The following XPR1 variants were observed in gnomAD, a reference collection of about 807,000 sequenced individuals.
XPR1 encodes xenotropic and polytropic retrovirus receptor 1, also known as solute carrier family 53 member 1.
XPR1 carries 28 observed loss-of-function variants against 87.5 expected under a neutral mutation model. The ratio of observed to expected loss-of-function variants is 0.32; its 90% CI spans 0.24 to 0.44. The LOEUF (loss-of-function observed/expected upper bound fraction) is 0.44, where lower values mean the gene tolerates loss of function less well. XPR1 is among the 20% of genes least tolerant of loss of function. XPR1 has a pLI of 1.00. For synonymous variants in XPR1, 300 were observed against 306.1 expected (o/e 0.98, Z 0.21); for missense variants, 559 against 862.3 (o/e 0.65, Z 4.41).
chr1:180,798,988 A>C (rs1649686413), intron 3 of XPR1, among the ~76,000 whole-genome samples: 1 of 152,194 alleles, frequency 6.6e-6, no homozygotes, highest in South Asian at 2.1e-4. Flanking sequence ...CCTGGGTTCC[A>C]GAGCTTGTTG....
At chr1:180,861,817 G>A (rs1274243623) in intron 11 of XPR1, among the ~76,000 whole-genome samples, 1 of 152,006 alleles carries the variant, frequency 6.6e-6, no homozygotes, top group African/African-American at 2.4e-5. Context: ...AGTGTTTGCT[G>A]ATTTCCACGG....
rs934402990 is a variant in XPR1, at chr1:180,766,983, A to C, written c.122-20770A>C. Among the ~76,000 whole-genome samples, 5 of 152,214 alleles carry C rather than the reference A, an allele frequency of 3.3e-5. No individual in the cohort carries two copies. The East Asian group carries it at 5.8e-4, about 18-fold the overall frequency. ...ATGCTACATAAAACTTCTGATGGTG[A>C]AGCTATAAAGACATGCTCAGCTCAA... On this transcript the variant is annotated intron_variant, in intron 2 of 14. Coordinates refer to ENST00000367590, the MANE Select transcript of XPR1 (RefSeq NM_004736.4).
At chr1:180,751,141 A>C (rs1213247577) in intron 2 of XPR1, among the ~76,000 whole-genome samples, 1 of 152,028 alleles carries the variant, frequency 6.6e-6, no homozygotes, top group African/African-American at 2.4e-5. Flanking sequence ...TTACTCTAGA[A>C]GTGCTTTTGT....
chr1:180,765,430 TTCTC>T (rs1416295939), intron 2 of XPR1, among the ~76,000 whole-genome samples: 1 of 152,246 alleles, frequency 6.6e-6, no homozygotes, highest in Non-Finnish European at 1.5e-5. Context: ...TTTATATCTC[TTCTC>T]TCTGACTACT....
intron 1 of XPR1, among the ~76,000 whole-genome samples, chr1:180,676,253 G>T (rs369234375): frequency 1.3e-5 from 2 of 152,114 alleles, no homozygotes; most frequent in Non-Finnish European, 2.9e-5. Flanking sequence ...TTTATTGAGC[G>T]CCTACTGTGT....
Position 180,889,929 on chromosome 1 carries a change from CCTCA to C in XPR1, c.*5867_*5870del. 6.6e-6 allele frequency: 1 copy of C among 152,120 alleles called. No individual in the cohort carries two copies. Among genetic ancestry groups the C allele is most frequent in the African/African-American group, 2.4e-5 (1 of 41,482 alleles). 9.4% of individuals were successfully genotyped at this position (152,120 alleles called of 1,614,324 possible). ...GGTGCTTCCTTCCCTCTTTTTTCTCCCTCACTCTCTTTCTCAGTCTCCACTCTGG... is the reference window on the plus strand; with the variant it reads ...GGTGCTTCCTTCCCTCTTTTTTCTCCCTCTCTTTCTCAGTCTCCACTCTGG... On this transcript the variant is annotated 3_prime_UTR_variant, in exon 15 of 15. Coordinates refer to ENST00000367590, the MANE Select transcript of XPR1 (RefSeq NM_004736.4).
intron 2 of XPR1, among the ~76,000 whole-genome samples, chr1:180,694,263 A>G (rs1437931807): frequency 6.6e-6 from 1 of 152,172 alleles, no homozygotes; most frequent in Non-Finnish European, 1.5e-5. Flanking sequence ...TCAGCCTACT[A>G]TATCCATGCT....
intron 7 of XPR1, among the ~76,000 whole-genome samples, chr1:180,820,560 A>G (rs576015937): frequency 6.6e-6 from 1 of 152,224 alleles, no homozygotes; most frequent in South Asian, 2.1e-4. Flanking sequence ...TCTTTTGGCT[A>G]TTGTGAATGG....
rs575598389 is a variant in XPR1, at chr1:180,657,038, G to C, written c.69+24768G>C. ...TTTTGGATATAATTCATTTTAAATG[G>C]GGTGAGATGATATCTCATTGTAGTT... is the stretch of plus-strand genomic sequence containing the variant. On this transcript the variant is annotated intron_variant, in intron 1 of 14. Transcript: ENST00000367590. 6.6e-5 allele frequency among the ~76,000 whole-genome samples: 10 copies of C among 152,050 alleles called. No homozygotes were observed. In the South Asian group the frequency reaches 2.1e-3, roughly 32 times the overall value.
chr1:180,687,136 T>C (rs1003988738), intron 2 of XPR1, among the ~76,000 whole-genome samples: 1 of 152,270 alleles, frequency 6.6e-6, no homozygotes, highest in African/African-American at 2.4e-5. Flanking sequence ...ACTGATTCCT[T>C]ACCCTGAGTA....
chr1:180,719,267 T>G (rs943233775), intron 2 of XPR1, among the ~76,000 whole-genome samples: 5 of 152,250 alleles, frequency 3.3e-5, no homozygotes, highest in African/African-American at 1.2e-4. Flanking sequence ...TTATCAGTAA[T>G]TTATTTAAAG....
intron 2 of XPR1, among the ~76,000 whole-genome samples, chr1:180,730,624 C>T (rs932059712): frequency 6.6e-6 from 1 of 152,012 alleles, no homozygotes; most frequent in African/African-American, 2.4e-5. Context: ...CGTATTAAGC[C>T]CTTCTCCTTT....
chr1:180,794,748 C>T lies in XPR1; in HGVS notation c.223+6894C>T, dbSNP rs190968853. Among the ~76,000 whole-genome samples, 133 of 152,120 alleles carry T rather than the reference C, an allele frequency of 8.7e-4. 2 individuals are homozygous for T. The Middle Eastern group carries it at 0.014, about 16-fold the overall frequency. On this transcript the variant is annotated intron_variant, in intron 3 of 14. Transcript: ENST00000367590. ...AGAGGTGGGATTTAGTGCTCCAGAG[C>T]AAGGGAAAAAATCTATCCAGATGCA...
chr1:180,706,226 T>C (rs1244251552), intron 2 of XPR1, among the ~76,000 whole-genome samples: 1 of 152,232 alleles, frequency 6.6e-6, no homozygotes, highest in African/African-American at 2.4e-5. Flanking sequence ...TTATAGACCT[T>C]CGTGGGTTCC....
chr1:180,764,518 G>A (rs1380506493), intron 2 of XPR1, among the ~76,000 whole-genome samples: 3 of 151,810 alleles, frequency 2.0e-5, no homozygotes, highest in East Asian at 1.9e-4. Context: ...CACCCAGGCT[G>A]GATTGCAGTA....
chr1:180,632,411 A>C (rs1367213773), intron 1 of XPR1, 141 bp downstream of exon 1: 1 of 1,130,346 alleles, frequency 8.8e-7, no homozygotes, highest in African/African-American at 1.6e-5. Context: ...CCACTGCGGC[A>C]TCCCCGCCGC....
chr1:180,632,686 G>C (rs1001232563), intron 1 of XPR1, among the ~76,000 whole-genome samples: 1 of 152,222 alleles, frequency 6.6e-6, no homozygotes, highest in Admixed American at 6.5e-5. Flanking sequence ...CCTCGCCAAG[G>C]TTAGGTCTTG....
chr1:180,731,425 G>A (rs1432679595), intron 2 of XPR1, among the ~76,000 whole-genome samples: 3 of 152,178 alleles, frequency 2.0e-5, no homozygotes, highest in Non-Finnish European at 4.4e-5. Context: ...GTAACAATAT[G>A]TAAGAAAACA....
At position 180,758,159 on chromosome 1, in the gene XPR1, C is replaced by T. The variant is rs147001438; in HGVS notation, c.122-29594C>T. On this transcript the variant is annotated intron_variant, in intron 2 of 14. Coordinates refer to ENST00000367590, the MANE Select transcript of XPR1 (RefSeq NM_004736.4). The stretch of plus-strand genomic sequence containing the variant: ...CACACACACACACATTATTCAGCCA[C>T]ATTTAAAAAAGAATGAAATCCTGTC... Among the ~76,000 whole-genome samples the T allele has an allele frequency of 6.3e-4, 74 of 116,540 alleles. No homozygotes were observed. In the East Asian group the frequency reaches 0.014, roughly 21 times the overall value. 76.5% of individuals were successfully genotyped at this position (116,540 alleles called of 152,430 possible).
Sources: gnomAD v4.1 joint callset for allele counts (sites outside exome capture counted in the v4.1 genomes callset) on GRCh38, gnomAD v4.1.1 for gene constraint, MANE v1.5 for transcripts, NCBI Gene and HGNC (gene_info 2026-07-23, HGNC 2026-07-21) for gene names.